The following FNTB variants were observed in gnomAD, a reference collection of about 807,000 sequenced individuals.
The protein encoded by FNTB is protein farnesyltransferase subunit beta.
Under a neutral mutation model 59.4 loss-of-function variants are expected in FNTB, and 27 were observed. The observed-to-expected ratio is 0.45, with a 90% CI of 0.34 to 0.63. The LOEUF (loss-of-function observed/expected upper bound fraction) is 0.63. FNTB is among the 20% of genes least tolerant of loss of function. The pLI is 0.02. For missense variants in FNTB, 449 were observed against 559.6 expected, an observed-to-expected ratio of 0.80 and a Z score of 1.99; for synonymous variants, 230 against 220.7, an observed-to-expected ratio of 1.04 and a Z score of -0.37.
chr14:65,008,833 A>G (rs2061638209), intron 2 of FNTB, among the ~76,000 whole-genome samples: 1 of 152,162 alleles, frequency 6.6e-6, no homozygotes, highest in African/African-American at 2.4e-5. Context: ...TATTTAAATC[A>G]TTACCCAGTA....
At chr14:65,053,383 G>A (rs368586407) in intron 10 of FNTB, 34 bp downstream of exon 10, 1 of 1,382,300 alleles carries the variant, frequency 7.2e-7, no homozygotes. Flanking sequence ...GGAAGGGAGA[G>A]GGGAGGAGAG....
At position 64,987,004 on chromosome 14, in the gene FNTB, C is replaced by T. The variant is rs767735610; in HGVS notation, c.51C>T (p.Pro17=). 7.4e-6 allele frequency: 12 copies of T among 1,614,234 alleles called. No homozygotes were observed. Among genetic ancestry groups the T allele is most frequent in the Admixed American group, 1.7e-5 (1 of 60,034 alleles). The part of the protein sequence containing the change: ...FTYYCPPSSS[P]VWSEPLYSLR... The stretch of plus-strand genomic sequence containing the variant: ...ACTATTGCCCTCCATCTTCCTCCCC[C>T]GTCTGGTCAGAGCCGCTGTACAGTC... Residue 17 remains proline (P), a synonymous_variant, in exon 1 of 12, where the codon CCC becomes CCT. Coordinates refer to ENST00000246166, the MANE Select transcript of FNTB (RefSeq NM_002028.4).
At chr14:64,998,693 A>C (rs945787145) in intron 1 of FNTB, among the ~76,000 whole-genome samples, 1 of 152,254 alleles carries the variant, frequency 6.6e-6, no homozygotes, top group Admixed American at 6.5e-5. Context: ...CAGTGTTCAC[A>C]AATGTTAGCA....
At chr14:65,043,106 C>T (rs1006580781) in intron 8 of FNTB, among the ~76,000 whole-genome samples, 2 of 152,162 alleles carry the variant, frequency 1.3e-5, no homozygotes, top group Admixed American at 6.5e-5. Flanking sequence ...AGGAAGTACC[C>T]TCCCCTGTAC....
Position 64,987,187 on chromosome 14 carries a change from C to CG in FNTB, c.144+94dup, listed in dbSNP as rs1445181274. 2.1e-6 allele frequency: 3 copies of CG among 1,452,028 alleles called. No homozygotes were observed. The African/African-American group carries it at 4.2e-5, about 20-fold the overall frequency. 89.9% of individuals were successfully genotyped at this position (1,452,028 alleles called of 1,614,324 possible). On this transcript the variant is annotated intron_variant, in intron 1 of 11. Coordinates refer to ENST00000246166, the MANE Select transcript of FNTB (RefSeq NM_002028.4). ...AGGGCCGCCCGGGTGCGGAACTCAC[C>CG]GGGGAACTACGACTCCCACAGCGCA...
chr14:65,000,894 G>C (rs1328773488), intron 1 of FNTB, among the ~76,000 whole-genome samples: 1 of 148,914 alleles, frequency 6.7e-6, no homozygotes, highest in Admixed American at 6.7e-5. Context: ...AAGAAGAGGC[G>C]ATTCCTAAAT....
Position 64,987,001 on chromosome 14 carries a change from C to T in FNTB, c.48C>T (p.Ser16=). The T allele has an allele frequency of 1.2e-6, 2 of 1,614,244 alleles. No individual in the cohort carries two copies. The highest frequency in any genetic ancestry group is 2.2e-5 in the South Asian group (2 of 91,088). Reference sequence around the variant, plus strand: ...CCTACTATTGCCCTCCATCTTCCTCCCCCGTCTGGTCAGAGCCGCTGTACA... The same window carrying T: ...CCTACTATTGCCCTCCATCTTCCTCTCCCGTCTGGTCAGAGCCGCTGTACA... ...SFTYYCPPSS[S]PVWSEPLYSL... is the part of the protein sequence containing the mutation. Residue 16 remains serine, a synonymous_variant, in exon 1 of 12, where the codon TCC becomes TCT. Transcript: ENST00000246166.
intron 1 of FNTB, among the ~76,000 whole-genome samples, chr14:64,992,134 G>T (rs1166569446): frequency 1.3e-5 from 2 of 152,122 alleles, no homozygotes; most frequent in African/African-American, 2.4e-5. Flanking sequence ...GCTCTGCTTG[G>T]TTAGGTGGTC....
intron 2 of FNTB, among the ~76,000 whole-genome samples, chr14:65,005,513 C>CTT (rs1230873980): frequency 0.015 from 1,681 of 114,374 alleles, 15 homozygotes; most frequent in African/African-American, 0.05. Context: ...TTCTTTCTTT[C>CTT]TCTCTCTCTT....
rs144596085 is a variant in FNTB, at chr14:65,052,077, A to G, written c.956-1161A>G. Among the ~76,000 whole-genome samples, 872 of 152,218 alleles carry G rather than the reference A, an allele frequency of 5.7e-3. 4 individuals carry two copies. The highest frequency in any genetic ancestry group is 0.02 in the African/African-American group (815 of 41,546). ...CCCAAAGTGCTGGGATTACAGGCAT[A>G]AGCCATCGTGCCTGGCCCACCATAG... On this transcript the variant is annotated intron_variant, in intron 9 of 11. Coordinates refer to ENST00000246166, the MANE Select transcript of FNTB (RefSeq NM_002028.4).
chr14:65,062,518 G>A lies in FNTB; in HGVS notation c.*1206G>A, dbSNP rs1179210025. 1 of 152,688 alleles carries A rather than the reference G, an allele frequency of 6.5e-6. No individual in the cohort carries two copies. Among genetic ancestry groups the A allele is most frequent in the Non-Finnish European group, 1.5e-5 (1 of 68,066 alleles). The allele number at this position is 152,688 out of a possible 1,614,324, so 9.5% of individuals were successfully genotyped here. A position where few individuals can be genotyped will look rare whatever the true frequency, so the allele number is the denominator to read the frequency against. On this transcript the variant is annotated 3_prime_UTR_variant, in exon 12 of 12. Transcript: ENST00000246166. This position sits in a 1 kb window ranked among gnomAD's most constrained non-coding sequence, Gnocchi z 4.3. ...TTCATGTAAGCAGCTGTGGGCTGCG[G>A]GCAGACAGGAGCTCAGAGATGCAGC...
intron 10 of FNTB, 35 bp downstream of exon 10, chr14:65,053,384 G>T (rs779607373): frequency 1.4e-6 from 2 of 1,382,148 alleles, no homozygotes; most frequent in Admixed American, 2.9e-5. Flanking sequence ...GAAGGGAGAG[G>T]GGAGGAGAGA....
rs916245986 is a variant in FNTB at position 64,991,410 on chromosome 14, T to C, written c.144+4313T>C. On this transcript the variant is annotated intron_variant, in intron 1 of 11. Transcript: ENST00000246166. This position sits in a 1 kb window ranked among gnomAD's most constrained non-coding sequence, Gnocchi z 4.4. The stretch of plus-strand genomic sequence containing the variant: ...GGAGGTCAGGAGTTTGAGACCAGCC[T>C]AGCCAACATGGTGAAACCTCATCTC... Among the ~76,000 whole-genome samples the C allele has an allele frequency of 2.6e-5, 4 of 152,110 alleles. No homozygotes were observed. The highest frequency in any genetic ancestry group is 5.9e-5 in the Non-Finnish European group (4 of 68,014).
At chr14:65,041,504 C>T (rs1017772698) in intron 8 of FNTB, among the ~76,000 whole-genome samples, 4 of 152,190 alleles carry the variant, frequency 2.6e-5, no homozygotes, top group South Asian at 2.1e-4. Context: ...CACACCTCCA[C>T]GGCCACCAGG....
At chr14:65,041,935 C>T (rs2062362539) in intron 8 of FNTB, among the ~76,000 whole-genome samples, 1 of 152,174 alleles carries the variant, frequency 6.6e-6, no homozygotes, top group South Asian at 2.1e-4. Flanking sequence ...TAGATTTGAA[C>T]CCTGTCCCTA....
At chr14:65,010,502 C>T (rs564754458) in intron 2 of FNTB, among the ~76,000 whole-genome samples, 8 of 152,350 alleles carry the variant, frequency 5.3e-5, no homozygotes, top group African/African-American at 1.4e-4. Context: ...CACACTAGTT[C>T]GGGCCCTAAG....
At chr14:65,043,587 C>T (rs1324790840) in intron 8 of FNTB, among the ~76,000 whole-genome samples, 3 of 151,954 alleles carry the variant, frequency 2.0e-5, no homozygotes, top group Non-Finnish European at 4.4e-5. Flanking sequence ...CTTTGGGAGG[C>T]CGAGGCGGGT....
Position 65,047,947 on chromosome 14 carries a change from G to T in FNTB, c.955+3504G>T, listed in dbSNP as rs1414567139. The stretch of plus-strand genomic sequence containing the variant: ...GGGTACCTTTGGGAGAAGAGAAGCA[G>T]ACAGAAGACAGAAGGAGGGAGACTT... On this transcript the variant is annotated intron_variant, in intron 9 of 11. Coordinates refer to ENST00000246166, the MANE Select transcript of FNTB (RefSeq NM_002028.4). This position sits in a 1 kb window ranked among gnomAD's most constrained non-coding sequence, Gnocchi z 5.2. Among the ~76,000 whole-genome samples, 1 of 148,052 alleles carries T rather than the reference G, an allele frequency of 6.8e-6. No individual in the cohort carries two copies. The highest frequency in any genetic ancestry group is 1.5e-5 in the Non-Finnish European group (1 of 67,168).
chr14:65,031,348 C>T lies in FNTB; in HGVS notation c.606-1262C>T, dbSNP rs2062077723. Among the ~76,000 whole-genome samples the T allele has an allele frequency of 6.6e-6, 1 of 151,398 alleles. No homozygotes were observed. Among genetic ancestry groups the T allele is most frequent in the Admixed American group, 6.6e-5 (1 of 15,226 alleles). On this transcript the variant is annotated intron_variant, in intron 6 of 11. Transcript: ENST00000246166. The surrounding 1 kb of genome is among the most constrained non-coding windows in gnomAD (Gnocchi z 4.6). ...TGTTTTTTTTTTTGAGACAGAGTCT[C>T]ACTCTGTTGCCCAAGCTGGAATGCA...
Sources: gnomAD v4.1 joint callset for allele counts (sites outside exome capture counted in the v4.1 genomes callset) on GRCh38, gnomAD v4.1.1 for gene constraint, Gnocchi (gnomAD v3.1) non-coding constraint, MANE v1.5 for transcripts, NCBI Gene and HGNC (gene_info 2026-07-23, HGNC 2026-07-21) for gene names.